The following ARHGAP32 variants were observed in gnomAD, a reference collection of about 807,000 sequenced individuals.
The protein encoded by ARHGAP32 is rho GTPase-activating protein 32.
In ARHGAP32, 51 loss-of-function variants were observed where a neutral mutation model predicts 186.5. That is an observed-to-expected ratio of 0.27 (90% CI 0.22 to 0.35). The LOEUF is 0.35. Ranked by LOEUF, ARHGAP32 falls within the 10% of genes least tolerant of loss-of-function variation. The pLI is 1.00. For missense variants in ARHGAP32, 2,186 were observed against 2,623.5 expected (o/e 0.83, Z 3.64); for synonymous variants, 950 against 964.3 (o/e 0.99, Z 0.27).
intron 1 of ARHGAP32, among the ~76,000 whole-genome samples, chr11:129,232,853 G>C (rs781683150): frequency 2.0e-5 from 3 of 152,048 alleles, no homozygotes; most frequent in Non-Finnish European, 4.4e-5. Context: ...CAATCTCTCT[G>C]ACTTCTCTTT....
intron 1 of ARHGAP32, among the ~76,000 whole-genome samples, chr11:129,265,999 T>C (rs979121463): frequency 6.6e-6 from 1 of 152,064 alleles, no homozygotes; most frequent in East Asian, 1.9e-4. Context: ...GGATTAAACA[T>C]AAAACTGAAT....
intron 5 of ARHGAP32, among the ~76,000 whole-genome samples, chr11:129,108,480 T>C (rs1489846584): frequency 1.3e-5 from 2 of 151,972 alleles, no homozygotes; most frequent in African/African-American, 2.4e-5. Flanking sequence ...CCAAAATATA[T>C]AAAGCAAACA....
intron 9 of ARHGAP32, 95 bp downstream of exon 9, chr11:129,063,807 T>C: frequency 7.4e-7 from 1 of 1,358,674 alleles, no homozygotes; most frequent in Non-Finnish European, 9.8e-7. Flanking sequence ...TGCTTTTCAT[T>C]TTTTTAAAAA....
intron 1 of ARHGAP32, among the ~76,000 whole-genome samples, chr11:129,247,316 G>A (rs75456604): frequency 0.042 from 6,343 of 152,200 alleles, 175 homozygotes; most frequent in Non-Finnish European, 0.059. Flanking sequence ...TGCCAGCAGT[G>A]ATAAGATCTT....
intron 12 of ARHGAP32, among the ~76,000 whole-genome samples, chr11:128,988,510 C>T (rs764774113): frequency 6.6e-5 from 10 of 152,178 alleles, no homozygotes; most frequent in Non-Finnish European, 1.5e-4. Flanking sequence ...GTTCAGCTGA[C>T]TTTCATATAT....
chr11:129,172,473 C>A (rs889764216), intron 1 of ARHGAP32, among the ~76,000 whole-genome samples: 27 of 152,036 alleles, frequency 1.8e-4, no homozygotes, highest in African/African-American at 6.3e-4. Flanking sequence ...CTCTCTACCC[C>A]AAATCAACAG....
intron 1 of ARHGAP32, among the ~76,000 whole-genome samples, chr11:129,274,946 T>C (rs1945514404): frequency 6.7e-6 from 1 of 148,938 alleles, no homozygotes; most frequent in African/African-American, 2.5e-5. Context: ...AAAATAGAAG[T>C]GGTATTTAAA....
At chr11:129,069,254 G>A (rs988715819) in intron 6 of ARHGAP32, among the ~76,000 whole-genome samples, 1 of 152,000 alleles carries the variant, frequency 6.6e-6, no homozygotes, top group Non-Finnish European at 1.5e-5. Context: ...ACAGCTAATA[G>A]CTTGGCTCTA....
At chr11:129,168,569 C>T (rs915775424) in intron 1 of ARHGAP32, among the ~76,000 whole-genome samples, 1 of 152,060 alleles carries the variant, frequency 6.6e-6, no homozygotes, top group African/African-American at 2.4e-5. Context: ...CCACTATCAC[C>T]GTTGTAGATT....
chr11:129,180,080 T>TA lies in ARHGAP32; in HGVS notation c.116+12002dup, dbSNP rs1325750154. ...TCACTGGTTTACATGGTCAATATAT[T>TA]AAAAAAATCGTGTATTTACATATAC... On this transcript the variant is annotated intron_variant, in intron 1 of 22. Transcript: ENST00000682385. Among the ~76,000 whole-genome samples, 12 of 152,196 alleles carry TA rather than the reference T, an allele frequency of 7.9e-5. No homozygotes were observed. In the South Asian group the frequency reaches 8.3e-4, roughly 11 times the overall value.
chr11:128,982,475 G>C (rs527666240), intron 15 of ARHGAP32, among the ~76,000 whole-genome samples: 1 of 10,734 alleles, frequency 9.3e-5, no homozygotes, highest in African/African-American at 1.5e-4. Flanking sequence ...GGTAAGTGCC[G>C]TGTGTGTGTG....
At position 128,970,538 on chromosome 11, in the gene ARHGAP32, A is replaced by T. The variant is rs193171280; in HGVS notation, c.4675T>A (p.Ser1559Thr). ...CTGCATGGCTTGGAGTGGTGTCCAG[A>T]TGCGTTTCTTCCTGGGGCCACATAT... The part of the protein sequence containing the change: ...NTYVAPGRNA[S>T]GHHSKPCSRV... Residue 1559 changes from serine (S) to threonine (T), a missense_variant, in exon 23 of 23, where the codon TCT becomes ACT. Physicochemically the swap from Ser to Thr is moderately conservative, Grantham distance 58. Around this residue, in one of 5 missense-constraint regions of ARHGAP32, gnomAD observed 1,502 missense variants for 1,570.0 expected, o/e 0.96. Coordinates refer to ENST00000682385, the MANE Select transcript of ARHGAP32 (RefSeq NM_001378024.1). This position sits in a 1 kb window ranked among gnomAD's most constrained non-coding sequence, Gnocchi z 5.8. 75 of 1,614,134 alleles carry T rather than the reference A, an allele frequency of 4.6e-5. No individual in the cohort carries two copies. The Admixed American group carries it at 8.5e-4, about 18-fold the overall frequency.
intron 1 of ARHGAP32, among the ~76,000 whole-genome samples, chr11:129,174,298 C>A (rs928136510): frequency 6.6e-6 from 1 of 152,174 alleles, no homozygotes; most frequent in African/African-American, 2.4e-5. Context: ...CCTACGCCCA[C>A]GGAGTCTCGC....
intron 10 of ARHGAP32, among the ~76,000 whole-genome samples, chr11:129,049,604 T>C (rs1195634204): frequency 1.3e-5 from 2 of 152,218 alleles, no homozygotes; most frequent in African/African-American, 4.8e-5. Flanking sequence ...CTTTCCATTT[T>C]CTATAATTTT....
chr11:129,237,603 C>T (rs771541451), intron 1 of ARHGAP32, among the ~76,000 whole-genome samples: 1 of 152,094 alleles, frequency 6.6e-6, no homozygotes, highest in Non-Finnish European at 1.5e-5. Context: ...GAGTGCATTA[C>T]GTGGATCTAG....
intron 10 of ARHGAP32, among the ~76,000 whole-genome samples, chr11:129,041,589 T>C (rs1007528895): frequency 2.0e-5 from 3 of 151,222 alleles, no homozygotes; most frequent in Non-Finnish European, 4.4e-5. Context: ...TAGTAGCGCA[T>C]GGAAAAGAGG....
intron 11 of ARHGAP32, among the ~76,000 whole-genome samples, chr11:129,002,792 T>C (rs1937595704): frequency 6.7e-6 from 1 of 148,836 alleles, no homozygotes; most frequent in African/African-American, 2.5e-5. Context: ...GGTTTTATCA[T>C]GAAGGGATGT....
chr11:129,199,935 C>T (rs1383130040), intron 1 of ARHGAP32, among the ~76,000 whole-genome samples: 1 of 152,210 alleles, frequency 6.6e-6, no homozygotes, highest in Non-Finnish European at 1.5e-5. Flanking sequence ...GGGAACCGAC[C>T]TCTTGCATCA....
At chr11:129,166,286 T>C (rs1203989455) in intron 1 of ARHGAP32, among the ~76,000 whole-genome samples, 1 of 152,018 alleles carries the variant, frequency 6.6e-6, no homozygotes, top group Non-Finnish European at 1.5e-5. Flanking sequence ...TATGTCTAAA[T>C]TGATGACAGA....
Sources: gnomAD v4.1 joint callset for allele counts (sites outside exome capture counted in the v4.1 genomes callset) on GRCh38, gnomAD v4.1.1 for gene constraint, gnomAD v4.1.1 regional missense constraint, Gnocchi (gnomAD v3.1) non-coding constraint, MANE v1.5 for transcripts, NCBI Gene and HGNC (gene_info 2026-07-23, HGNC 2026-07-21) for gene names.